Variants in CHRM3 observed in about 807,000 individuals in gnomAD.
CHRM3 encodes cholinergic receptor muscarinic 3, also known as muscarinic acetylcholine receptor M3.
A neutral mutation model predicts 41.8 loss-of-function variants in CHRM3; 11 were observed. That is an observed-to-expected ratio of 0.26 (90% confidence interval 0.17 to 0.44). The LOEUF is 0.44. Ranked by LOEUF, CHRM3 falls within the 20% of genes least tolerant of loss-of-function variation. CHRM3 has a pLI of 1.00. For missense variants in CHRM3, 571 were observed against 745.4 expected (o/e 0.77, Z 2.72); for synonymous variants, 297 against 301.4 (o/e 0.99, Z 0.15).
At chr1:239,520,743 C>T (rs2148262973) in intron 2 of CHRM3, among the ~76,000 whole-genome samples, 2 of 152,264 alleles carry the variant, frequency 1.3e-5, no homozygotes, top group East Asian at 3.9e-4. Context: ...TAACCAGACC[C>T]TTCCAGCTCT....
At chr1:239,802,724 T>C (rs1670315113) in intron 5 of CHRM3, among the ~76,000 whole-genome samples, 1 of 152,078 alleles carries the variant, frequency 6.6e-6, no homozygotes, top group Admixed American at 6.6e-5. Flanking sequence ...CAGCCTCCCG[T>C]GTAGCTGGGA....
chr1:239,884,037 T>C (rs1331729423), intron 6 of CHRM3, among the ~76,000 whole-genome samples: 2 of 152,180 alleles, frequency 1.3e-5, no homozygotes, highest in Admixed American at 1.3e-4. Context: ...TGATAACAGT[T>C]CTGATCTCAA....
At chr1:239,627,091 T>C (rs1324277576) in intron 3 of CHRM3, among the ~76,000 whole-genome samples, 1 of 122,222 alleles carries the variant, frequency 8.2e-6, no homozygotes, top group Non-Finnish European at 1.7e-5. Flanking sequence ...TGTCTAATGT[T>C]GACAGTGGGG....
chr1:239,701,068 T>C (rs1162212721), intron 5 of CHRM3, among the ~76,000 whole-genome samples: 1 of 152,242 alleles, frequency 6.6e-6, no homozygotes, highest in African/African-American at 2.4e-5. Context: ...CCTTCAGTTG[T>C]CTTCTTAATA....
intron 4 of CHRM3, among the ~76,000 whole-genome samples, chr1:239,665,546 G>C (rs563861735): frequency 6.6e-6 from 1 of 151,898 alleles, no homozygotes; most frequent in Non-Finnish European, 1.5e-5. Flanking sequence ...TATATTTTAA[G>C]TTCTGGCGTA....
chr1:239,847,941 AGAGAG>A (rs1217325431), intron 6 of CHRM3, among the ~76,000 whole-genome samples: 79 of 146,986 alleles, frequency 5.4e-4, no homozygotes, highest in Non-Finnish European at 1.1e-3. Context: ...AGAGAAGAGA[AGAGAG>A]GAGGGGAGGG....
At chr1:239,515,842 G>A (rs973471469) in intron 2 of CHRM3, among the ~76,000 whole-genome samples, 1 of 152,130 alleles carries the variant, frequency 6.6e-6, no homozygotes, top group African/African-American at 2.4e-5. Context: ...TGCCTAAAAT[G>A]TACTATATTT....
At chr1:239,789,819 T>C (rs1401340097) in intron 5 of CHRM3, among the ~76,000 whole-genome samples, 1 of 152,206 alleles carries the variant, frequency 6.6e-6, no homozygotes, top group Non-Finnish European at 1.5e-5. Context: ...ATCCAAACTT[T>C]AGCAACCGCT....
chr1:239,667,653 C>G (rs927442139), intron 4 of CHRM3, among the ~76,000 whole-genome samples: 2 of 152,176 alleles, frequency 1.3e-5, no homozygotes, highest in Non-Finnish European at 2.9e-5. Flanking sequence ...TTTCCCTTGT[C>G]ACGTGCTACC....
At chr1:239,437,416 C>G (rs1469309184) in intron 1 of CHRM3, among the ~76,000 whole-genome samples, 1 of 152,366 alleles carries the variant, frequency 6.6e-6, no homozygotes, top group East Asian at 1.9e-4. Flanking sequence ...CTTGATGCCA[C>G]TGTTGTTTCT....
intron 4 of CHRM3, among the ~76,000 whole-genome samples, chr1:239,676,976 T>G (rs2149082957): frequency 6.6e-6 from 1 of 152,280 alleles, no homozygotes; most frequent in South Asian, 2.1e-4. Context: ...GAACATGCCA[T>G]TCCCCTTCAC....
intron 1 of CHRM3, among the ~76,000 whole-genome samples, chr1:239,487,626 A>G (rs1383480064): frequency 6.6e-6 from 1 of 152,168 alleles, no homozygotes; most frequent in Non-Finnish European, 1.5e-5. Context: ...TATTGTGAAA[A>G]TGTCAATTCT....
At chr1:239,694,224 A>G (rs2355237) in intron 5 of CHRM3, among the ~76,000 whole-genome samples, 68,587 of 152,044 alleles carry the variant, frequency 0.45, 15,886 homozygotes, top group Middle Eastern at 0.52. Flanking sequence ...AAAGAATTAG[A>G]TGATCGATAC....
chr1:239,434,006 G>C (rs564757435), intron 1 of CHRM3, among the ~76,000 whole-genome samples: 1 of 152,228 alleles, frequency 6.6e-6, no homozygotes, highest in African/African-American at 2.4e-5. Context: ...ATCAAATGCT[G>C]GTTCTACTTT....
chr1:239,907,443 A>G lies in CHRM3; in HGVS notation c.-9A>G, dbSNP rs1680058340. On this transcript the variant is annotated 5_prime_UTR_variant, in exon 7 of 7. Transcript: ENST00000676153. This position sits in a 1 kb window ranked among gnomAD's most constrained non-coding sequence, Gnocchi z 5.4. ...CTCTCTTTCCCCCAGACTATGTCAG[A>G]GAGTCACAATGACCTTGCACAATAA... The G allele has an allele frequency of 1.9e-6, 3 of 1,606,364 alleles. No homozygotes were observed. The East Asian group carries it at 6.7e-5, about 36-fold the overall frequency.
chr1:239,509,284 GT>G (rs373424633), intron 2 of CHRM3, among the ~76,000 whole-genome samples: 76 of 152,006 alleles, frequency 5.0e-4, no homozygotes, highest in Middle Eastern at 3.4e-3. Flanking sequence ...AAGAACAGGT[GT>G]TTTTTTTAAA....
chr1:239,658,968 C>T (rs1435391960), intron 4 of CHRM3, among the ~76,000 whole-genome samples: 2 of 152,072 alleles, frequency 1.3e-5, no homozygotes, highest in Non-Finnish European at 2.9e-5. Context: ...GAACTCTTGA[C>T]CTCAAGTGAT....
chr1:239,694,105 A>C (rs1232696119), intron 5 of CHRM3, among the ~76,000 whole-genome samples: 1 of 152,216 alleles, frequency 6.6e-6, no homozygotes, highest in Non-Finnish European at 1.5e-5. Context: ...GGAGCTTAAG[A>C]GAATTAAAGA....
chr1:239,881,483 C>G (rs1677632366), intron 6 of CHRM3, among the ~76,000 whole-genome samples: 1 of 151,858 alleles, frequency 6.6e-6, no homozygotes. Context: ...ACACATGTAC[C>G]TGGGTTATCA....
Sources: allele counts gnomAD v4.1 joint callset (sites outside exome capture counted in the v4.1 genomes callset), GRCh38; gene constraint gnomAD v4.1.1; non-coding constraint Gnocchi (gnomAD v3.1); transcripts MANE v1.5; gene names NCBI Gene and HGNC (gene_info 2026-07-23, HGNC 2026-07-21).